Variants in HHLA2 observed in about 807,000 individuals in gnomAD.
HHLA2 encodes the protein HERV-H LTR-associating protein 2.
Under a neutral mutation model 45.9 loss-of-function variants are expected in HHLA2, and 48 were observed. The observed-to-expected ratio is 1.05, with a 90% CI of 0.83 to 1.33. The LOEUF (loss-of-function observed/expected upper bound fraction) is 1.33. Among genes scored for constraint, HHLA2 ranks in the 40% most tolerant of loss-of-function variants. The pLI is 0.00. For synonymous variants in HHLA2, 161 were observed against 173.9 expected, an observed-to-expected ratio of 0.93 and a Z score of 0.59; for missense variants, 462 against 494.3, an observed-to-expected ratio of 0.93 and a Z score of 0.62.
At chr3:108,350,260 G>A (rs1236930018) in intron 3 of HHLA2, among the ~76,000 whole-genome samples, 1 of 152,082 alleles carries the variant, frequency 6.6e-6, no homozygotes, top group Non-Finnish European at 1.5e-5. Context: ...TGCTCTAAGA[G>A]AAATAAAAGC....
chr3:108,370,506 G>T (rs1009829498), intron 8 of HHLA2, among the ~76,000 whole-genome samples: 7 of 152,218 alleles, frequency 4.6e-5, no homozygotes, highest in Non-Finnish European at 8.8e-5. Flanking sequence ...AGAGAAGAAG[G>T]CTTCAGACGA....
At chr3:108,332,373 C>T (rs1376365066) in intron 3 of HHLA2, among the ~76,000 whole-genome samples, 1 of 152,100 alleles carries the variant, frequency 6.6e-6, no homozygotes, top group African/African-American at 2.4e-5. Context: ...TTTTCCATAA[C>T]AGTAAAAATC....
intron 3 of HHLA2, among the ~76,000 whole-genome samples, chr3:108,334,859 G>A (rs899227818): frequency 6.6e-6 from 1 of 152,150 alleles, no homozygotes. Context: ...TGCCCATCAG[G>A]AGCTTGAGTC....
intron 3 of HHLA2, among the ~76,000 whole-genome samples, chr3:108,345,739 A>T (rs1014088971): frequency 6.6e-6 from 1 of 152,176 alleles, no homozygotes; most frequent in Non-Finnish European, 1.5e-5. Context: ...CTCAAACACA[A>T]AGCATCATAC....
chr3:108,371,348 C>T (rs1353335948), intron 8 of HHLA2, among the ~76,000 whole-genome samples: 1 of 152,170 alleles, frequency 6.6e-6, no homozygotes, highest in African/African-American at 2.4e-5. Flanking sequence ...GAAAAAACAA[C>T]CGGTACCAGC....
intron 7 of HHLA2, among the ~76,000 whole-genome samples, chr3:108,359,303 A>G (rs1446613365): frequency 6.6e-6 from 1 of 152,066 alleles, no homozygotes; most frequent in African/African-American, 2.4e-5. Flanking sequence ...CTGACAAAAG[A>G]GTATTTTCAG....
chr3:108,350,481 A>G lies in HHLA2; in HGVS notation c.-26-1307A>G, dbSNP rs9857950. 4.3e-3 allele frequency among the ~76,000 whole-genome samples: 651 copies of G among 152,304 alleles called. 2 individuals carry two copies. The highest frequency in any genetic ancestry group is 0.015 in the African/African-American group (625 of 41,568). The stretch of plus-strand genomic sequence containing the variant: ...GGTTTTATTTTGATAAGATGTGATG[A>G]AGGAATCTAATTTTACTTTTTTAAA... On this transcript the variant is annotated intron_variant, in intron 3 of 10. Transcript: ENST00000619531.
At chr3:108,325,703 TTCTA>T (rs1259346498) in intron 2 of HHLA2, 8 of 221,180 alleles carry the variant, frequency 3.6e-5, no homozygotes, top group African/African-American at 1.9e-4. Flanking sequence ...TCAAAATTGT[TTCTA>T]TCTACCAAAT....
intron 1 of HHLA2, among the ~76,000 whole-genome samples, chr3:108,309,622 C>T (rs994491104): frequency 6.6e-6 from 1 of 151,924 alleles, no homozygotes; most frequent in South Asian, 2.1e-4. Flanking sequence ...ATGTTTTTCT[C>T]ATTATTAGAC....
intron 8 of HHLA2, among the ~76,000 whole-genome samples, chr3:108,368,325 A>G (rs924240266): frequency 6.6e-6 from 1 of 151,994 alleles, no homozygotes; most frequent in African/African-American, 2.4e-5. Flanking sequence ...ACTAGCCAGC[A>G]TCATGATGAC....
chr3:108,317,474 C>T (rs1240052768), intron 2 of HHLA2, among the ~76,000 whole-genome samples: 3 of 151,908 alleles, frequency 2.0e-5, no homozygotes, highest in Non-Finnish European at 4.4e-5. Flanking sequence ...GAGGTTGGTA[C>T]TTTATTATTT....
chr3:108,315,814 T>A (rs2081093815), intron 2 of HHLA2, among the ~76,000 whole-genome samples: 1 of 152,244 alleles, frequency 6.6e-6, no homozygotes, highest in African/African-American at 2.4e-5. Flanking sequence ...TCTTGATTTT[T>A]CAAACATCTA....
intron 8 of HHLA2, among the ~76,000 whole-genome samples, chr3:108,374,367 G>A (rs77422715): frequency 1 from 151,532 of 151,708 alleles, 75,678 homozygotes; most frequent in Middle Eastern, 1. Flanking sequence ...ACCTAAAACC[G>A]TAAAAACCCT....
At position 108,353,676 on chromosome 3, in the gene HHLA2, C is replaced by A; in HGVS notation, c.314C>A (p.Ser105Ter). 6.2e-7 allele frequency: 1 copy of A among 1,613,620 alleles called. No individual in the cohort carries two copies. The highest frequency in any genetic ancestry group is 8.5e-7 in the Non-Finnish European group (1 of 1,179,758). The change falls in exon 5 of 11, where the codon TCG becomes TAG. Residue 105 changes from serine (S) to a stop codon, truncating the protein, a stop_gained. Transcript: ENST00000619531. LOFTEE classifies it high-confidence loss of function. ...AATGAGATTCAAAATGGGAATGCGT[C>A]GCTATTTTTCAGAAGAGTAAGCCTT...
intron 8 of HHLA2, among the ~76,000 whole-genome samples, chr3:108,371,498 G>A (rs551976533): frequency 7.0e-4 from 106 of 152,228 alleles, no homozygotes; most frequent in African/African-American, 2.4e-3. Flanking sequence ...ATGTAAATGG[G>A]CTAAATGCTC....
chr3:108,371,106 C>A (rs937907914), intron 8 of HHLA2, among the ~76,000 whole-genome samples: 12 of 152,140 alleles, frequency 7.9e-5, no homozygotes, highest in African/African-American at 2.9e-4. Context: ...AAAGGGAAGC[C>A]CATCAGACTA....
chr3:108,299,335 A>G (rs1235493134), intron 1 of HHLA2, among the ~76,000 whole-genome samples: 1 of 148,754 alleles, frequency 6.7e-6, no homozygotes, highest in Non-Finnish European at 1.5e-5. Flanking sequence ...AAATATATAT[A>G]TATAATCATA....
chr3:108,337,018 A>T (rs2081483509), intron 3 of HHLA2, among the ~76,000 whole-genome samples: 1 of 152,042 alleles, frequency 6.6e-6, no homozygotes, highest in South Asian at 2.1e-4. Flanking sequence ...TTTGGACCAG[A>T]GGTTGAAGCG....
exon 6 of HHLA2, chr3:108,355,146 GAGGAACACAAAC>G: frequency 1.9e-6 from 3 of 1,613,344 alleles, no homozygotes; most frequent in Non-Finnish European, 2.5e-6. Context: ...AGTATGAAAA[GAGGAACACAAAC>G]AGCTTCTTAA....
Sources: gnomAD v4.1 joint callset for allele counts (sites outside exome capture counted in the v4.1 genomes callset) on GRCh38, gnomAD v4.1.1 for gene constraint, MANE v1.5 for transcripts, NCBI Gene and HGNC (gene_info 2026-07-23, HGNC 2026-07-21) for gene names.